Variants in ZP4 observed in about 807,000 individuals in gnomAD.
The protein encoded by ZP4 is zona pellucida sperm-binding protein 4.
In ZP4, 62 loss-of-function variants were observed where a neutral mutation model predicts 62.3. That is an observed-to-expected ratio of 0.99 (90% confidence interval 0.81 to 1.23). The LOEUF is 1.23. ZP4 is among the 50% of genes most tolerant of loss of function. ZP4 has a pLI of 0.00. For synonymous variants in ZP4, 289 were observed against 247.3 expected (o/e 1.17, Z -1.58); for missense variants, 774 against 656.0 (o/e 1.18, Z -1.97).
chr1:237,884,548 G>A (rs1177289941), intron 10 of ZP4, among the ~76,000 whole-genome samples: 1 of 152,194 alleles, frequency 6.6e-6, no homozygotes, highest in Admixed American at 6.5e-5. Flanking sequence ...AGTTTATATG[G>A]AAAAAGCTAA....
intron 3 of ZP4, among the ~76,000 whole-genome samples, chr1:237,888,833 C>T (rs1207685809): frequency 6.6e-6 from 1 of 152,154 alleles, no homozygotes; most frequent in Admixed American, 6.5e-5. Flanking sequence ...AGGCGTTTCT[C>T]AAGCCTTAGT....
At chr1:237,886,266 AT>A (rs1367192310) in intron 6 of ZP4, among the ~76,000 whole-genome samples, 1 of 152,186 alleles carries the variant, frequency 6.6e-6, no homozygotes, top group African/African-American at 2.4e-5. Flanking sequence ...TGAGAATTCC[AT>A]AGAAGAACCA....
chr1:237,886,989 C>A, intron 5 of ZP4, 121 bp from the exon 6 acceptor site: 1 of 857,776 alleles, frequency 1.2e-6, no homozygotes, highest in Non-Finnish European at 1.8e-6. Context: ...ATTACTTCAG[C>A]AGAGGTAAGA....
In ZP4 at chr1:237,888,289, C is replaced by T. The variant is rs1167022036; in HGVS notation, c.553+69G>A. ...CTTGATGTTTGCCTTCTGAGCAAACCCCTCTCTGGGTTTCATTGTAATTGC... is the reference window on the plus strand; with the variant it reads ...CTTGATGTTTGCCTTCTGAGCAAACTCCTCTCTGGGTTTCATTGTAATTGC... On this transcript the variant is annotated intron_variant, in intron 4 of 11. Coordinates refer to ENST00000366570, the MANE Select transcript of ZP4 (RefSeq NM_021186.5). 2.8e-6 allele frequency: 4 copies of T among 1,442,808 alleles called. No homozygotes were observed. In the South Asian group the frequency reaches 6.6e-5, roughly 24 times the overall value. 89.4% of individuals were successfully genotyped at this position (1,442,808 alleles called of 1,614,324 possible). A position where few individuals can be genotyped will look rare whatever the true frequency, so the allele number is the denominator to read the frequency against.
intron 3 of ZP4, among the ~76,000 whole-genome samples, chr1:237,889,237 G>A (rs999470178): frequency 6.6e-6 from 1 of 152,016 alleles, no homozygotes; most frequent in Non-Finnish European, 1.5e-5. Flanking sequence ...CTGGTTCTGG[G>A]AGAGTTCTTT....
rs1665021084 is a variant in ZP4 at position 237,884,003 on chromosome 1, C to CACACAA, written c.1390+765_1390+766insTTGTGT. ...ACACAAACACACACACACACACACA[C>CACACAA]ACACACACACACAAACACACACACA... On this transcript the variant is annotated intron_variant, in intron 10 of 11. Transcript: ENST00000366570. Among the ~76,000 whole-genome samples, 15 of 92,418 alleles carry CACACAA rather than the reference C, an allele frequency of 1.6e-4. 1 individual carries two copies. The highest frequency in any genetic ancestry group is 4.4e-4 in the Admixed American group (4 of 9,058). The allele number at this position is 92,418 out of a possible 152,430, so 60.6% of individuals were successfully genotyped here.
At position 237,890,897 on chromosome 1, in the gene ZP4, C is replaced by T. The variant is rs1665227864; in HGVS notation, c.-262G>A. 3 of 352,674 alleles carry T rather than the reference C, an allele frequency of 8.5e-6. No individual in the cohort carries two copies. Among genetic ancestry groups the T allele is most frequent in the Non-Finnish European group, 1.5e-5 (3 of 196,410 alleles). 21.8% of individuals were successfully genotyped at this position (352,674 alleles called of 1,614,324 possible). On this transcript the variant is annotated 5_prime_UTR_variant, in exon 1 of 12. Coordinates refer to ENST00000366570, the MANE Select transcript of ZP4 (RefSeq NM_021186.5). ...CCAAGAAAAATGTAGTAACTTTTAG[C>T]TAACAGAAAGGAAGGAAAGAAAGCT...
In ZP4 at chr1:237,885,774, C is replaced by T; in HGVS notation, c.952G>A (p.Glu318Lys). 6.2e-7 allele frequency: 1 copy of T among 1,613,950 alleles called. No individual in the cohort carries two copies. The highest frequency in any genetic ancestry group is 1.7e-5 in the Admixed American group (1 of 59,990). ...GTCATACCTTTGGCAATCTGAAGTTCCAGAGTGAGGGGTCCAGGCTGGGTC... is the reference window on the plus strand; with the variant it reads ...GTCATACCTTTGGCAATCTGAAGTTTCAGAGTGAGGGGTCCAGGCTGGGTC... ...PETQPGPLTL[E>K]LQIAKDKNYG... The change falls in exon 7 of 12, where the codon GAA becomes AAA. Residue 318 changes from glutamate (E) to lysine (K), a missense_variant. By Grantham distance (56) the Glu-to-Lys change is moderately conservative. Coordinates refer to ENST00000366570, the MANE Select transcript of ZP4 (RefSeq NM_021186.5).
In ZP4 at chr1:237,887,960, C is replaced by T. The variant is rs768095554; in HGVS notation, c.553+398G>A. Among the ~76,000 whole-genome samples the T allele has an allele frequency of 1.6e-4, 24 of 152,158 alleles. 1 individual carries two copies. Among genetic ancestry groups the T allele is most frequent in the Admixed American group, 4.6e-4 (7 of 15,284 alleles). ...AAGCCGGGATTCCTCCTGTACCAAC[C>T]TATACATACTCTGAGGTCAAGTTTA... is the stretch of plus-strand genomic sequence containing the variant. On this transcript the variant is annotated intron_variant, in intron 4 of 11. Transcript: ENST00000366570.
At chr1:237,885,114 A>G (rs936692979) in intron 9 of ZP4, 51 bp downstream of exon 9, 12 of 1,591,484 alleles carry the variant, frequency 7.5e-6, no homozygotes, top group Non-Finnish European at 1.0e-5. Flanking sequence ...AACAGTTGTA[A>G]GTTGGGGAGG....
At position 237,884,037 on chromosome 1, in the gene ZP4, CACACAAACACACACAA is replaced by C. The variant is rs1558531221; in HGVS notation, c.1390+716_1390+731del. Among the ~76,000 whole-genome samples, 55 of 119,170 alleles carry C rather than the reference CACACAAACACACACAA, an allele frequency of 4.6e-4. 1 individual carries two copies. Among genetic ancestry groups the C allele is most frequent in the South Asian group, 2.0e-3 (8 of 4,056 alleles). The allele number at this position is 119,170 out of a possible 152,430, so 78.2% of individuals were successfully genotyped here. The stretch of plus-strand genomic sequence containing the variant: ...ACACAAACACACACACACACAAACA[CACACAAACACACACAA>C]ACACACACAAACACACACAAACACA... On this transcript the variant is annotated intron_variant, in intron 10 of 11. Coordinates refer to ENST00000366570, the MANE Select transcript of ZP4 (RefSeq NM_021186.5).
chr1:237,885,782 A>T lies in ZP4; in HGVS notation c.944T>A (p.Leu315His). 1 of 1,614,114 alleles carries T rather than the reference A, an allele frequency of 6.2e-7. No homozygotes were observed. Among genetic ancestry groups the T allele is most frequent in the Non-Finnish European group, 8.5e-7 (1 of 1,179,998 alleles). Residue 315 changes from leucine to histidine, a missense_variant, in exon 7 of 12, where the codon CTC becomes CAC. Coordinates refer to ENST00000366570, the MANE Select transcript of ZP4 (RefSeq NM_021186.5). Reference sequence around the variant, plus strand: ...TTTGGCAATCTGAAGTTCCAGAGTGAGGGGTCCAGGCTGGGTCTCAGGAAA... The same window carrying T: ...TTTGGCAATCTGAAGTTCCAGAGTGTGGGGTCCAGGCTGGGTCTCAGGAAA... ...PPFPETQPGP[L>H]TLELQIAKDK...
intron 6 of ZP4, among the ~76,000 whole-genome samples, chr1:237,886,174 G>A (rs891533477): frequency 6.6e-6 from 1 of 152,136 alleles, no homozygotes; most frequent in Non-Finnish European, 1.5e-5. Context: ...TGATATGAAG[G>A]TGAAAGAAAA....
intron 3 of ZP4, among the ~76,000 whole-genome samples, chr1:237,889,636 G>A (rs1471961306): frequency 6.6e-6 from 1 of 152,136 alleles, no homozygotes; most frequent in African/African-American, 2.4e-5. Context: ...GCAGCACTAT[G>A]TTAGGGTTAG....
At chr1:237,884,220 A>G (rs1665041909) in intron 10 of ZP4, among the ~76,000 whole-genome samples, 1 of 152,208 alleles carries the variant, frequency 6.6e-6, no homozygotes, top group Non-Finnish European at 1.5e-5. Flanking sequence ...TGTACTTTGC[A>G]TAATAAAGCA....
At chr1:237,889,831 C>CCCCCCCCCCAA in intron 3 of ZP4, 36 bp downstream of exon 3, 6 of 1,496,292 alleles carry the variant, frequency 4.0e-6, no homozygotes, top group Non-Finnish European at 4.7e-6. Context: ...CCACCCCCAC[C>CCCCCCCCCCAA]ACCCCCACAA....
At chr1:237,883,781 G>A (rs1369185798) in intron 10 of ZP4, among the ~76,000 whole-genome samples, 1 of 142,626 alleles carries the variant, frequency 7.0e-6, no homozygotes, top group Non-Finnish European at 1.5e-5. Flanking sequence ...GGAAGAGAGA[G>A]GAAGAGAGAG....
At chr1:237,884,043 A>ACACAC (rs1558531257) in intron 10 of ZP4, among the ~76,000 whole-genome samples, 12 of 104,820 alleles carry the variant, frequency 1.1e-4, no homozygotes, top group African/African-American at 2.8e-4. Context: ...AACACACACA[A>ACACAC]ACACACACAA....
intron 3 of ZP4, among the ~76,000 whole-genome samples, chr1:237,889,026 A>T (rs1012405481): frequency 7.2e-5 from 11 of 152,310 alleles, no homozygotes; most frequent in African/African-American, 2.6e-4. Context: ...GCTCTCAGTC[A>T]GGCGAGACTT....
Sources: allele counts gnomAD v4.1 joint callset (sites outside exome capture counted in the v4.1 genomes callset), GRCh38; gene constraint gnomAD v4.1.1; transcripts MANE v1.5; gene names NCBI Gene and HGNC (gene_info 2026-07-23, HGNC 2026-07-21).